Variants in SMOC1 observed in about 807,000 individuals in gnomAD.
The protein encoded by SMOC1 is SPARC-related modular calcium-binding protein 1.
SMOC1 carries 22 observed loss-of-function variants against 56.3 expected under a neutral mutation model. The observed-to-expected ratio is 0.39, with a 90% CI of 0.28 to 0.56. SMOC1 has a LOEUF of 0.56. Among genes scored for constraint, SMOC1 ranks in the 20% least tolerant of loss-of-function variants. SMOC1 has a pLI of 0.61. For missense variants in SMOC1, 509 were observed against 565.4 expected (o/e 0.90, Z 1.01); for synonymous variants, 193 against 215.0 (o/e 0.90, Z 0.89).
chr14:69,966,424 G>C (rs939809075), intron 3 of SMOC1, among the ~76,000 whole-genome samples: 12 of 152,160 alleles, frequency 7.9e-5, no homozygotes, highest in African/African-American at 2.9e-4. Flanking sequence ...CATATAATTG[G>C]ATTGGTGGTC....
chr14:69,981,288 C>T (rs992811352), intron 5 of SMOC1, among the ~76,000 whole-genome samples: 1 of 152,110 alleles, frequency 6.6e-6, no homozygotes, highest in African/African-American at 2.4e-5. Context: ...GGAGGAGGGT[C>T]AAAACTTCAG....
Position 69,919,918 on chromosome 14 carries a change from C to A in SMOC1, c.100-32220C>A, listed in dbSNP as rs541533971. Among the ~76,000 whole-genome samples, 12 of 149,868 alleles carry A rather than the reference C, an allele frequency of 8.0e-5. No homozygotes were observed. In the East Asian group the frequency reaches 2.0e-3, roughly 25 times the overall value. On this transcript the variant is annotated intron_variant, in intron 1 of 11. Transcript: ENST00000361956. ...ATCCTATGAACACAAATACCCCCCC[C>A]CCCCTTTCTCCCCTGGAGTAGGGAT...
chr14:70,023,123 G>T (rs1885789949), intron 10 of SMOC1, 80 bp from the exon 11 acceptor site: 1 of 1,608,024 alleles, frequency 6.2e-7, no homozygotes. Flanking sequence ...ACTTTCTGGG[G>T]GCAGTCATAC....
At chr14:69,923,904 T>G (rs780447078) in intron 1 of SMOC1, among the ~76,000 whole-genome samples, 17 of 152,204 alleles carry the variant, frequency 1.1e-4, no homozygotes, top group Non-Finnish European at 2.4e-4. Flanking sequence ...ACTGGTGGGG[T>G]GGGCAGTTGG....
chr14:69,936,755 C>G (rs1369187474), intron 1 of SMOC1, among the ~76,000 whole-genome samples: 1 of 152,128 alleles, frequency 6.6e-6, no homozygotes, highest in Non-Finnish European at 1.5e-5. Flanking sequence ...TTTTAGGAAA[C>G]TTAGAACTAA....
chr14:69,951,243 G>A (rs929364538), intron 1 of SMOC1, among the ~76,000 whole-genome samples: 1 of 152,164 alleles, frequency 6.6e-6, no homozygotes, highest in Non-Finnish European at 1.5e-5. Context: ...ACCTAACTTT[G>A]AAGTCCCCAG....
At chr14:69,902,342 C>A (rs1159100272) in intron 1 of SMOC1, among the ~76,000 whole-genome samples, 1 of 152,228 alleles carries the variant, frequency 6.6e-6, no homozygotes, top group African/African-American at 2.4e-5. Flanking sequence ...CCTTAAATCT[C>A]TTGTTTGTAT....
intron 1 of SMOC1, among the ~76,000 whole-genome samples, chr14:69,882,683 G>A (rs1361537586): frequency 6.6e-6 from 1 of 152,166 alleles, no homozygotes. Flanking sequence ...CTCCCTGGCT[G>A]ATGGTGTCTG....
chr14:69,886,860 A>G (rs1023529720), intron 1 of SMOC1, among the ~76,000 whole-genome samples: 3 of 152,252 alleles, frequency 2.0e-5, no homozygotes, highest in Non-Finnish European at 4.4e-5. Flanking sequence ...TGTGAAATTT[A>G]TAGAAACAAA....
intron 1 of SMOC1, among the ~76,000 whole-genome samples, chr14:69,914,655 C>T (rs11627960): frequency 0.12 from 18,997 of 152,076 alleles, 1,273 homozygotes; most frequent in African/African-American, 0.18. Flanking sequence ...CGAGAAGATG[C>T]CCAGTGACCA....
chr14:70,000,447 C>T (rs368299477), intron 7 of SMOC1, among the ~76,000 whole-genome samples: 6 of 152,204 alleles, frequency 3.9e-5, no homozygotes, highest in African/African-American at 1.4e-4. Context: ...CTTGCTATTT[C>T]TCAGTACTTG....
At chr14:70,012,027 G>A (rs1163502157) in intron 9 of SMOC1, among the ~76,000 whole-genome samples, 2 of 152,206 alleles carry the variant, frequency 1.3e-5, no homozygotes, top group Non-Finnish European at 2.9e-5. Context: ...CAGGGCCCTG[G>A]TACCTCCAAA....
chr14:69,965,884 C>T (rs1272126198), intron 3 of SMOC1, among the ~76,000 whole-genome samples: 4 of 152,180 alleles, frequency 2.6e-5, no homozygotes, highest in African/African-American at 7.2e-5. Context: ...TGTGAGTGCA[C>T]GTAACATGCT....
chr14:70,026,805 A>G (rs918537483), intron 11 of SMOC1, among the ~76,000 whole-genome samples: 16 of 151,844 alleles, frequency 1.1e-4, no homozygotes, highest in African/African-American at 3.6e-4. Flanking sequence ...GTCTGTGTTC[A>G]TGTCTGTGTC....
intron 11 of SMOC1, among the ~76,000 whole-genome samples, chr14:70,026,628 G>T (rs547326793): frequency 6.6e-6 from 1 of 152,210 alleles, no homozygotes; most frequent in African/African-American, 2.4e-5. Flanking sequence ...GTGCTTTGGA[G>T]TGCAACTGTC....
At chr14:69,962,663 G>C (rs1313153871) in intron 3 of SMOC1, among the ~76,000 whole-genome samples, 1 of 151,878 alleles carries the variant, frequency 6.6e-6, no homozygotes, top group Non-Finnish European at 1.5e-5. Flanking sequence ...TGCAACCTCG[G>C]CCTCTTGGGC....
At chr14:70,017,398 G>A (rs1021566257) in intron 10 of SMOC1, among the ~76,000 whole-genome samples, 1 of 152,194 alleles carries the variant, frequency 6.6e-6, no homozygotes, top group African/African-American at 2.4e-5. Context: ...CAGGACTGAC[G>A]AAGACAATTA....
chr14:69,941,047 A>C (rs566912063), intron 1 of SMOC1, among the ~76,000 whole-genome samples: 2 of 152,296 alleles, frequency 1.3e-5, no homozygotes, highest in African/African-American at 4.8e-5. Context: ...AGGGCATTTA[A>C]GTTGTAGGAC....
intron 3 of SMOC1, among the ~76,000 whole-genome samples, chr14:69,963,271 G>A (rs1275345055): frequency 6.6e-6 from 1 of 152,072 alleles, no homozygotes; most frequent in Non-Finnish European, 1.5e-5. Context: ...CTGTGCTGTG[G>A]TCCTAGGTTT....
Sources: allele counts gnomAD v4.1 joint callset (sites outside exome capture counted in the v4.1 genomes callset), GRCh38; gene constraint gnomAD v4.1.1; transcripts MANE v1.5; gene names NCBI Gene and HGNC (gene_info 2026-07-23, HGNC 2026-07-21).